GPBP1: variants seen among roughly 807,000 people sequenced by gnomAD.
GPBP1 encodes the protein GC-rich promoter binding protein 1.
In GPBP1, 13 loss-of-function variants were observed where a neutral mutation model predicts 56.5. The observed-to-expected ratio is 0.23, with a 90% CI of 0.15 to 0.37. The LOEUF (loss-of-function observed/expected upper bound fraction) is 0.37. Ranked by LOEUF, GPBP1 falls within the 10% of genes least tolerant of loss-of-function variation. GPBP1 has a pLI of 1.00. For missense variants in GPBP1, 477 were observed against 572.3 expected, an observed-to-expected ratio of 0.83 and a Z score of 1.70; for synonymous variants, 204 against 188.9, an observed-to-expected ratio of 1.08 and a Z score of -0.66.
Position 57,264,472 on chromosome 5 carries a change from G to GT in GPBP1, c.*1723dup, listed in dbSNP as rs774477891. ...AGCTAGAAGGAACCTGAGGAATGTG[G>GT]TTTACATTTGAGATCCACCTTACTG... is the stretch of plus-strand genomic sequence containing the variant. On this transcript the variant is annotated 3_prime_UTR_variant, in exon 12 of 12. Transcript: ENST00000506184. The GT allele has an allele frequency of 2.6e-5, 4 of 152,128 alleles. No individual in the cohort carries two copies. Among genetic ancestry groups the GT allele is most frequent in the Non-Finnish European group, 1.5e-5 (1 of 68,016 alleles). The allele number at this position is 152,128 out of a possible 1,614,324, so 9.4% of individuals were successfully genotyped here.
chr5:57,208,961 G>T (rs141380547), intron 2 of GPBP1, among the ~76,000 whole-genome samples: 251 of 152,238 alleles, frequency 1.6e-3, no homozygotes, highest in African/African-American at 5.9e-3. Flanking sequence ...GGCCAGGGAT[G>T]TCTTTCTGTT....
At chr5:57,197,234 C>T (rs921389218) in intron 2 of GPBP1, among the ~76,000 whole-genome samples, 9 of 152,022 alleles carry the variant, frequency 5.9e-5, no homozygotes, top group African/African-American at 1.9e-4. Context: ...ACAAGGCTTT[C>T]CTACACATTG....
intron 3 of GPBP1, among the ~76,000 whole-genome samples, chr5:57,224,417 AT>A (rs1756089621): frequency 6.6e-6 from 1 of 151,014 alleles, no homozygotes; most frequent in South Asian, 2.1e-4. Flanking sequence ...TAATTTTTGT[AT>A]TTTTAGTAGA....
intron 3 of GPBP1, among the ~76,000 whole-genome samples, chr5:57,216,821 T>C (rs543239404): frequency 8.5e-5 from 13 of 152,266 alleles, no homozygotes; most frequent in African/African-American, 3.1e-4. Flanking sequence ...CTGCTTTACT[T>C]TCTCCTTATG....
At chr5:57,225,768 A>G (rs909910951) in intron 3 of GPBP1, among the ~76,000 whole-genome samples, 1 of 152,138 alleles carries the variant, frequency 6.6e-6, no homozygotes, top group African/African-American at 2.4e-5. Context: ...TGACACTGAC[A>G]CACTGCTAGA....
At chr5:57,210,106 TAAAAC>T (rs914501218) in intron 2 of GPBP1, among the ~76,000 whole-genome samples, 3 of 152,166 alleles carry the variant, frequency 2.0e-5, no homozygotes, top group African/African-American at 4.8e-5. Context: ...GGGTCAGAAA[TAAAAC>T]ATAACAAGAA....
chr5:57,189,951 G>T (rs1273654284), intron 2 of GPBP1, among the ~76,000 whole-genome samples: 2 of 152,036 alleles, frequency 1.3e-5, no homozygotes, highest in Middle Eastern at 3.2e-3. Context: ...TGTAAAGTGG[G>T]CCACTCTATT....
intron 2 of GPBP1, among the ~76,000 whole-genome samples, chr5:57,180,371 C>G (rs1212648140): frequency 1.3e-5 from 2 of 152,266 alleles, no homozygotes; most frequent in Middle Eastern, 3.4e-3. Flanking sequence ...TCACCTGCCT[C>G]AGCCTCCCAA....
At chr5:57,182,693 T>C (rs929803332) in intron 2 of GPBP1, among the ~76,000 whole-genome samples, 12 of 150,890 alleles carry the variant, frequency 8.0e-5, no homozygotes, top group African/African-American at 2.2e-4. Context: ...TTCTTATTTA[T>C]TTATTTTTGA....
chr5:57,184,170 T>G (rs551297769), intron 2 of GPBP1, among the ~76,000 whole-genome samples: 1 of 152,212 alleles, frequency 6.6e-6, no homozygotes, highest in South Asian at 2.1e-4. Flanking sequence ...AGATGGAGGT[T>G]GCAGTGAGCC....
At chr5:57,192,216 T>A (rs576517256) in intron 2 of GPBP1, among the ~76,000 whole-genome samples, 2 of 152,286 alleles carry the variant, frequency 1.3e-5, no homozygotes, top group East Asian at 3.9e-4. Context: ...TGCACTTACC[T>A]GAGCTGGGTG....
chr5:57,239,908 T>G (rs1230934839), intron 6 of GPBP1, among the ~76,000 whole-genome samples: 1 of 151,960 alleles, frequency 6.6e-6, no homozygotes, highest in Non-Finnish European at 1.5e-5. Flanking sequence ...CCTTATAGAG[T>G]CTTTGCATTT....
intron 2 of GPBP1, among the ~76,000 whole-genome samples, chr5:57,180,528 C>T (rs186193999): frequency 1.3e-5 from 2 of 152,114 alleles, no homozygotes; most frequent in East Asian, 1.9e-4. Context: ...GTTTAGGTAA[C>T]GTTTAGATCC....
At chr5:57,212,244 T>C (rs1056275547) in intron 2 of GPBP1, among the ~76,000 whole-genome samples, 2 of 152,196 alleles carry the variant, frequency 1.3e-5, no homozygotes, top group Non-Finnish European at 2.9e-5. Context: ...CTCTGAAGTT[T>C]CTGGCCAGGA....
At chr5:57,251,647 A>G (rs1741398592) in intron 10 of GPBP1, among the ~76,000 whole-genome samples, 1 of 151,536 alleles carries the variant, frequency 6.6e-6, no homozygotes, top group African/African-American at 2.4e-5. Context: ...TGCTGCTGTG[A>G]ACATTCATAT....
At chr5:57,205,188 A>T (rs943969783) in intron 2 of GPBP1, among the ~76,000 whole-genome samples, 1 of 152,140 alleles carries the variant, frequency 6.6e-6, no homozygotes, top group African/African-American at 2.4e-5. Flanking sequence ...ACCTCTTATA[A>T]CTTGAGGCAT....
intron 2 of GPBP1, among the ~76,000 whole-genome samples, chr5:57,191,002 T>C (rs1165973930): frequency 6.6e-6 from 1 of 152,100 alleles, no homozygotes; most frequent in African/African-American, 2.4e-5. Flanking sequence ...TCTTGAACTC[T>C]GGGGTTCAAG....
intron 2 of GPBP1, among the ~76,000 whole-genome samples, chr5:57,191,665 G>A (rs1754532037): frequency 6.6e-6 from 1 of 151,698 alleles, no homozygotes; most frequent in Non-Finnish European, 1.5e-5. Flanking sequence ...GGGTTCAAGT[G>A]ATTCTCCTGC....
chr5:57,214,097 C>T lies in GPBP1; in HGVS notation c.-34C>T. ...AGGGACTTGCCATGAGGTGTTGAAGCCTTGTTTCACTGAGTTGGAGAGACT... is the reference window on the plus strand; with the variant it reads ...AGGGACTTGCCATGAGGTGTTGAAGTCTTGTTTCACTGAGTTGGAGAGACT... On this transcript the variant is annotated 5_prime_UTR_variant, in exon 3 of 12. Coordinates refer to ENST00000506184, the MANE Select transcript of GPBP1 (RefSeq NM_022913.4). The T allele has an allele frequency of 1.3e-6, 2 of 1,596,818 alleles. No individual in the cohort carries two copies. Among genetic ancestry groups the T allele is most frequent in the Non-Finnish European group, 1.7e-6 (2 of 1,164,356 alleles).
Sources: allele counts gnomAD v4.1 joint callset (sites outside exome capture counted in the v4.1 genomes callset), GRCh38; gene constraint gnomAD v4.1.1; transcripts MANE v1.5; gene names NCBI Gene and HGNC (gene_info 2026-07-23, HGNC 2026-07-21).